GLI3: variants seen among roughly 807,000 people sequenced by gnomAD.
GLI3 encodes the protein GLI family zinc finger 3, also known as transcription activator GLI3.
In GLI3, 20 loss-of-function variants were observed where a neutral mutation model predicts 100.8. The observed-to-expected ratio is 0.20, with a 90% CI of 0.14 to 0.29. The LOEUF is 0.29. Ranked by LOEUF, GLI3 falls within the 10% of genes least tolerant of loss-of-function variation. The pLI, the probability that GLI3 is intolerant of heterozygous loss-of-function variation, is 1.00. For synonymous variants in GLI3, 938 were observed against 860.5 expected (o/e 1.09, Z -1.58); for missense variants, 2,040 against 2,128.5 (o/e 0.96, Z 0.82).
chr7:42,135,868 G>GTC (rs3839734), intron 3 of GLI3, among the ~76,000 whole-genome samples: 1 of 151,594 alleles, frequency 6.6e-6, no homozygotes, highest in Non-Finnish European at 1.5e-5. Flanking sequence ...TTTTCTCTCT[G>GTC]TCTCTCTCTC....
At chr7:42,122,053 A>C (rs1240184034) in intron 3 of GLI3, among the ~76,000 whole-genome samples, 1 of 152,160 alleles carries the variant, frequency 6.6e-6, no homozygotes, top group African/African-American at 2.4e-5. Flanking sequence ...AAATCAGAGA[A>C]CATGCAAACA....
At chr7:42,241,426 C>T (rs1788923731), upstream of GLI3, among the ~76,000 whole-genome samples, 1 of 152,146 alleles carries the variant, frequency 6.6e-6, no homozygotes, top group Non-Finnish European at 1.5e-5. Context: ...CTTTGCCAGC[C>T]AGCCTGCATG....
rs148154157 is a variant in GLI3, at chr7:42,223,224, G to A, written c.30C>T (p.Thr10=). 62 of 1,613,448 alleles carry A rather than the reference G, an allele frequency of 3.8e-5. No homozygotes were observed. The African/African-American group carries it at 7.3e-4, about 19-fold the overall frequency. The change falls in exon 2 of 15, where the codon ACC becomes ACT. Residue 10 remains threonine, a synonymous_variant. Coordinates refer to ENST00000395925, the MANE Select transcript of GLI3 (RefSeq NM_000168.6). The stretch of plus-strand genomic sequence containing the variant: ...AATTCTCAACTTTTTTCTTTTCAGT[G>A]GTCGTGGAGCTGTGGGACTGGGCCT... MEAQSHSST[T]TEKKKVENSI... is the part of the protein sequence containing the mutation.
chr7:42,194,759 CTTTT>C (rs61524545), intron 2 of GLI3, among the ~76,000 whole-genome samples: 7 of 108,974 alleles, frequency 6.4e-5, no homozygotes, highest in Non-Finnish European at 1.1e-4. Flanking sequence ...CTCTCTGTCT[CTTTT>C]TTTTTTTTTT....
In GLI3 at chr7:42,226,606, A is replaced by G. The variant is rs1788586718; in HGVS notation, c.-42-3311T>C. 2.0e-5 allele frequency among the ~76,000 whole-genome samples: 3 copies of G among 152,208 alleles called. No homozygotes were observed. In the South Asian group the frequency reaches 6.2e-4, roughly 32 times the overall value. On this transcript the variant is annotated intron_variant, in intron 1 of 14. Coordinates refer to ENST00000395925, the MANE Select transcript of GLI3 (RefSeq NM_000168.6). Reference sequence around the variant, plus strand: ...GTCACTCAACAATCTACCCCCTTCTATTTTGACAACTTATTTTTGGATCTC... The same window carrying G: ...GTCACTCAACAATCTACCCCCTTCTGTTTTGACAACTTATTTTTGGATCTC...
intron 10 of GLI3, among the ~76,000 whole-genome samples, chr7:41,989,113 T>C (rs1375085085): frequency 6.6e-6 from 1 of 152,212 alleles, no homozygotes; most frequent in Non-Finnish European, 1.5e-5. Flanking sequence ...ACCAGTAAAC[T>C]CTTCTTAAGC....
chr7:42,140,364 T>C (rs1289193749), intron 3 of GLI3, among the ~76,000 whole-genome samples: 2 of 152,182 alleles, frequency 1.3e-5, no homozygotes, highest in African/African-American at 4.8e-5. Context: ...ACTGACAGAA[T>C]GAACACAAAA....
In GLI3 at chr7:41,963,581, AC is replaced by A. The variant is rs1178455602; in HGVS notation, c.*748del. 3.9e-5 allele frequency: 6 copies of A among 152,256 alleles called. No individual in the cohort carries two copies. The highest frequency in any genetic ancestry group is 1.4e-4 in the African/African-American group (6 of 41,460). 9.4% of individuals were successfully genotyped at this position (152,256 alleles called of 1,614,324 possible). A position where few individuals can be genotyped will look rare whatever the true frequency, so the allele number is the denominator to read the frequency against. ...AGTGGGAGGAGAGGCAAATGTGATA[AC>A]TGAGAATCGACCATACAGACATAGC... is the stretch of plus-strand genomic sequence containing the variant. On this transcript the variant is annotated 3_prime_UTR_variant, in exon 15 of 15. Transcript: ENST00000395925.
intron 13 of GLI3, among the ~76,000 whole-genome samples, chr7:41,971,983 T>C (rs1787374748): frequency 6.6e-6 from 1 of 152,214 alleles, no homozygotes; most frequent in South Asian, 2.1e-4. Flanking sequence ...CATGGCCTAT[T>C]TACCTTGGGG....
chr7:42,224,231 G>A (rs183128590), intron 1 of GLI3, among the ~76,000 whole-genome samples: 1 of 152,278 alleles, frequency 6.6e-6, no homozygotes, highest in Non-Finnish European at 1.5e-5. Context: ...TATCTAGATT[G>A]CAACATTCAT....
In GLI3 at chr7:41,965,323, C is replaced by T. The variant is rs1282365636; in HGVS notation, c.3750G>A (p.Lys1250=). The change falls in exon 15 of 15, where the codon AAG becomes AAA. Residue 1250 remains lysine, a synonymous_variant. Transcript: ENST00000395925. ...SGNAFHEQPC[K]APQYGNCLNR... ...TGAGACAGTTCCCATACTGCGGGGC[C>T]TTACAGGGCTGTTCATGGAAGGCGT... The T allele has an allele frequency of 6.2e-7, 1 of 1,613,822 alleles. No homozygotes were observed. The highest frequency in any genetic ancestry group is 8.5e-7 in the Non-Finnish European group (1 of 1,179,916).
At chr7:41,969,461 T>G (rs1787310542) in intron 13 of GLI3, among the ~76,000 whole-genome samples, 1 of 152,162 alleles carries the variant, frequency 6.6e-6, no homozygotes, top group Admixed American at 6.5e-5. Flanking sequence ...AAATGAACAC[T>G]TTCTAAGTGA....
At chr7:42,194,925 T>C (rs911317210) in intron 2 of GLI3, among the ~76,000 whole-genome samples, 1 of 151,516 alleles carries the variant, frequency 6.6e-6, no homozygotes, top group African/African-American at 2.4e-5. Flanking sequence ...CACCACCAGG[T>C]CTGGCTAATT....
At chr7:42,089,206 G>A (rs1046598804) in intron 3 of GLI3, among the ~76,000 whole-genome samples, 3 of 152,144 alleles carry the variant, frequency 2.0e-5, no homozygotes, top group African/African-American at 4.8e-5. Flanking sequence ...ACATGGATGC[G>A]TAATAGTGGA....
intron 2 of GLI3, among the ~76,000 whole-genome samples, chr7:42,199,602 G>C (rs78664098): frequency 1.3e-5 from 2 of 152,172 alleles, no homozygotes; most frequent in Admixed American, 1.3e-4. Context: ...ATATATGTGC[G>C]TGTATGTGTG....
chr7:42,007,981 G>A (rs369642284), intron 10 of GLI3, among the ~76,000 whole-genome samples: 1 of 152,230 alleles, frequency 6.6e-6, no homozygotes, highest in African/African-American at 2.4e-5. Context: ...AAACTGAGAT[G>A]ATATTGTTCT....
intron 3 of GLI3, among the ~76,000 whole-genome samples, chr7:42,139,034 C>T (rs1786497284): frequency 6.6e-6 from 1 of 152,220 alleles, no homozygotes; most frequent in Admixed American, 6.5e-5. Context: ...GTGGTGTTAG[C>T]TACTAAATTT....
At chr7:42,227,986 G>C (rs943431285) in intron 1 of GLI3, among the ~76,000 whole-genome samples, 1 of 152,150 alleles carries the variant, frequency 6.6e-6, no homozygotes, top group African/African-American at 2.4e-5. Context: ...TTCCCTTCAG[G>C]TTCTGGTTTC....
At chr7:42,211,305 T>A (rs1788269584) in intron 2 of GLI3, among the ~76,000 whole-genome samples, 1 of 152,236 alleles carries the variant, frequency 6.6e-6, no homozygotes, top group Non-Finnish European at 1.5e-5. Context: ...ACATGGTTTT[T>A]GCTAAGTAAA....
Sources: allele counts gnomAD v4.1 joint callset (sites outside exome capture counted in the v4.1 genomes callset), GRCh38; gene constraint gnomAD v4.1.1; transcripts MANE v1.5; gene names NCBI Gene and HGNC (gene_info 2026-07-23, HGNC 2026-07-21).